The following SLC7A5 variants were observed in gnomAD, a reference collection of about 807,000 sequenced individuals.
SLC7A5 encodes the protein large neutral amino acids transporter small subunit 1.
A neutral mutation model predicts 50.2 loss-of-function variants in SLC7A5; 23 were observed. The ratio of observed to expected loss-of-function variants is 0.46; its 90% confidence interval spans 0.33 to 0.65. SLC7A5 has a LOEUF of 0.65. SLC7A5 is among the 30% of genes least tolerant of loss of function. The pLI, the probability that SLC7A5 is intolerant of heterozygous loss-of-function variation, is 0.02. For missense variants in SLC7A5, 578 were observed against 684.4 expected (o/e 0.84, Z 1.73); for synonymous variants, 393 against 330.6 (o/e 1.19, Z -2.05).
chr16:87,840,297 C>T (rs941227890), intron 4 of SLC7A5, 132 bp downstream of exon 4: 36 of 814,068 alleles, frequency 4.4e-5, no homozygotes, highest in Admixed American at 2.5e-4. Context: ...TCCTGCTGGC[C>T]CCAGAGGCCC....
chr16:87,834,895 C>T (rs1479657832), intron 8 of SLC7A5, among the ~76,000 whole-genome samples: 15 of 152,244 alleles, frequency 9.9e-5, no homozygotes, highest in Admixed American at 9.8e-4. Flanking sequence ...ACATCACAGG[C>T]CTGGAAACCC....
At chr16:87,839,592 C>T (rs2055057454) in intron 5 of SLC7A5, 110 bp downstream of exon 5, 5 of 1,532,402 alleles carry the variant, frequency 3.3e-6, no homozygotes, top group Non-Finnish European at 4.5e-6. Flanking sequence ...ACGCGGGGCC[C>T]CCTCTGCGTA....
chr16:87,843,530 G>C (rs1597499448), intron 2 of SLC7A5, among the ~76,000 whole-genome samples: 2 of 151,984 alleles, frequency 1.3e-5, no homozygotes, highest in South Asian at 4.1e-4. Flanking sequence ...AGGGCAGCTG[G>C]ACACAGGGAG....
In SLC7A5 at chr16:87,832,912, G is replaced by T; in HGVS notation, c.*58C>A. 1 of 1,409,542 alleles carries T rather than the reference G, an allele frequency of 7.1e-7. No homozygotes were observed. The highest frequency in any genetic ancestry group is 1.0e-6 in the Non-Finnish European group (1 of 994,232). The allele number at this position is 1,409,542 out of a possible 1,614,324, so 87.3% of individuals were successfully genotyped here. A position where few individuals can be genotyped will look rare whatever the true frequency, so the allele number is the denominator to read the frequency against. ...GGGGAACCGGAGTGGGTTCGAGGAG[G>T]TGATCTACTTTAACTGGCCTCTGCG... is the stretch of plus-strand genomic sequence containing the variant. On this transcript the variant is annotated 3_prime_UTR_variant, in exon 10 of 10. Transcript: ENST00000261622. The surrounding 1 kb of genome is among the most constrained non-coding windows in gnomAD (Gnocchi z 4.6).
At position 87,841,026 on chromosome 16, in the gene SLC7A5, G is replaced by C; in HGVS notation, c.770+24C>G. Reference sequence around the variant, plus strand: ...AGGGACTGTATGTCCCCAGACCAAGGGACCCAGACATTCCAGAACCTACCA... The same window carrying C: ...AGGGACTGTATGTCCCCAGACCAAGCGACCCAGACATTCCAGAACCTACCA... On this transcript the variant is annotated intron_variant, in intron 3 of 9. Transcript: ENST00000261622. The surrounding 1 kb of genome is among the most constrained non-coding windows in gnomAD (Gnocchi z 4.8). 6.5e-7 allele frequency: 1 copy of C among 1,537,572 alleles called. No individual in the cohort carries two copies. Among genetic ancestry groups the C allele is most frequent in the Non-Finnish European group, 9.0e-7 (1 of 1,110,622 alleles).
intron 1 of SLC7A5, among the ~76,000 whole-genome samples, chr16:87,856,092 G>C (rs528387757): frequency 2.0e-5 from 3 of 152,288 alleles, no homozygotes; most frequent in Non-Finnish European, 4.4e-5. Flanking sequence ...CAGCCACTGT[G>C]AGTGCCCCAG....
At chr16:87,857,225 ATTTTT>A (rs57435838) in intron 1 of SLC7A5, among the ~76,000 whole-genome samples, 2 of 147,198 alleles carry the variant, frequency 1.4e-5, no homozygotes, top group Non-Finnish European at 3.0e-5. Context: ...CAGCGTTCAC[ATTTTT>A]TTTTTTTTTG....
intron 2 of SLC7A5, among the ~76,000 whole-genome samples, chr16:87,847,929 A>G (rs978445818): frequency 6.6e-6 from 1 of 152,206 alleles, no homozygotes; most frequent in Admixed American, 6.5e-5. Context: ...GGGACCGTCC[A>G]GAAGTGCCCT....
At chr16:87,837,595 G>A (rs75646753) in intron 7 of SLC7A5, 28,752 of 506,240 alleles carry the variant, frequency 0.057, 1,118 homozygotes, top group Non-Finnish European at 0.081. Context: ...GCAGCACCCC[G>A]GGTCAGCTTC....
Position 87,866,942 on chromosome 16 carries a change from T to TC in SLC7A5, c.538+1942_538+1943insG, listed in dbSNP as rs2055469617. On this transcript the variant is annotated intron_variant, in intron 1 of 9. Coordinates refer to ENST00000261622, the MANE Select transcript of SLC7A5 (RefSeq NM_003486.7). The stretch of plus-strand genomic sequence containing the variant: ...GAGACTCAGCACCCAGGGGCTGCTT[T>TC]TTTTTTTTTGAGACAGGCTTGCTCT... Among the ~76,000 whole-genome samples the TC allele has an allele frequency of 3.3e-5, 5 of 151,838 alleles. No individual in the cohort carries two copies. The South Asian group carries it at 1.0e-3, about 32-fold the overall frequency.
Position 87,837,826 on chromosome 16 carries a change from G to A in SLC7A5, c.1140+19C>T. On this transcript the variant is annotated intron_variant, in intron 7 of 9. Transcript: ENST00000261622. Reference sequence around the variant, plus strand: ...CAACCCCCAGGGATGTAGGGCACAGGGCCGTGCAGCAGGCTTACCGTGAAC... The same window carrying A: ...CAACCCCCAGGGATGTAGGGCACAGAGCCGTGCAGCAGGCTTACCGTGAAC... 1.3e-6 allele frequency: 2 copies of A among 1,585,254 alleles called. No individual in the cohort carries two copies. The highest frequency in any genetic ancestry group is 1.7e-6 in the Non-Finnish European group (2 of 1,164,506).
chr16:87,833,028 G>T lies in SLC7A5; in HGVS notation c.1469-3C>A, dbSNP rs760101316. 3 of 1,613,670 alleles carry T rather than the reference G, an allele frequency of 1.9e-6. No individual in the cohort carries two copies. Among genetic ancestry groups the T allele is most frequent in the Non-Finnish European group, 2.5e-6 (3 of 1,179,708 alleles). ...CTGACACAGGACGGTCGTGGAGACTGTCAGGAGAGAAGACAGCTGTGTTAG... is the reference window on the plus strand; with the variant it reads ...CTGACACAGGACGGTCGTGGAGACTTTCAGGAGAGAAGACAGCTGTGTTAG... On this transcript the variant is annotated splice_region_variant and splice_polypyrimidine_tract_variant and intron_variant, in intron 9 of 9. Coordinates refer to ENST00000261622, the MANE Select transcript of SLC7A5 (RefSeq NM_003486.7). The surrounding 1 kb of genome is among the most constrained non-coding windows in gnomAD (Gnocchi z 6.0).
chr16:87,852,898 G>A lies in SLC7A5; in HGVS notation c.539-1049C>T, dbSNP rs1020020120. ...CACTGACTCCACGACACCCCTCACT[G>A]CCTGCTGCACTACCCTTCACTCCTC... is the stretch of plus-strand genomic sequence containing the variant. On this transcript the variant is annotated intron_variant, in intron 1 of 9. Coordinates refer to ENST00000261622, the MANE Select transcript of SLC7A5 (RefSeq NM_003486.7). The surrounding 1 kb of genome is among the most constrained non-coding windows in gnomAD (Gnocchi z 4.5). Among the ~76,000 whole-genome samples, 1 of 152,092 alleles carries A rather than the reference G, an allele frequency of 6.6e-6. No individual in the cohort carries two copies. The highest frequency in any genetic ancestry group is 1.5e-5 in the Non-Finnish European group (1 of 68,008).
chr16:87,842,649 A>G (rs944774587), intron 2 of SLC7A5, among the ~76,000 whole-genome samples: 1 of 151,916 alleles, frequency 6.6e-6, no homozygotes, highest in Non-Finnish European at 1.5e-5. Context: ...GGGGCCTTTG[A>G]TCTTCAGCCT....
Position 87,830,031 on chromosome 16 carries a change from TTGAG to T in SLC7A5, c.*2935_*2938del, listed in dbSNP as rs1053557365. The T allele has an allele frequency of 2.6e-5, 4 of 152,196 alleles. No homozygotes were observed. The highest frequency in any genetic ancestry group is 1.3e-4 in the Admixed American group (2 of 15,284). The allele number at this position is 152,196 out of a possible 1,614,324, so 9.4% of individuals were successfully genotyped here. A position where few individuals can be genotyped will look rare whatever the true frequency, so the allele number is the denominator to read the frequency against. On this transcript the variant is annotated 3_prime_UTR_variant, in exon 10 of 10. Coordinates refer to ENST00000261622, the MANE Select transcript of SLC7A5 (RefSeq NM_003486.7). ...ACACAGAACATCAGCGGTAGGATGA[TTGAG>T]TGTTTCTTTAAAAATAAAAACCCCA...
chr16:87,832,901 G>T lies in SLC7A5; in HGVS notation c.*69C>A. Reference sequence around the variant, plus strand: ...CTGTGGGTTGCGGGGAACCGGAGTGGGTTCGAGGAGGTGATCTACTTTAAC... The same window carrying T: ...CTGTGGGTTGCGGGGAACCGGAGTGTGTTCGAGGAGGTGATCTACTTTAAC... On this transcript the variant is annotated 3_prime_UTR_variant, in exon 10 of 10. Coordinates refer to ENST00000261622, the MANE Select transcript of SLC7A5 (RefSeq NM_003486.7). This position sits in a 1 kb window ranked among gnomAD's most constrained non-coding sequence, Gnocchi z 4.6. 1 of 1,287,476 alleles carries T rather than the reference G, an allele frequency of 7.8e-7. No individual in the cohort carries two copies. The highest frequency in any genetic ancestry group is 1.1e-6 in the Non-Finnish European group (1 of 883,486). 79.8% of individuals were successfully genotyped at this position (1,287,476 alleles called of 1,614,324 possible).
At chr16:87,851,520 C>T (rs2055222509) in intron 2 of SLC7A5, among the ~76,000 whole-genome samples, 4 of 152,246 alleles carry the variant, frequency 2.6e-5, no homozygotes, top group Admixed American at 6.5e-5. Context: ...GTGGTGGCCA[C>T]GCTGTCCCAC....
chr16:87,865,684 G>A (rs531786283), intron 1 of SLC7A5, among the ~76,000 whole-genome samples: 6 of 152,136 alleles, frequency 3.9e-5, no homozygotes, highest in Middle Eastern at 3.4e-3. Context: ...TCCAGCCTGG[G>A]TAAGAGCAAA....
At chr16:87,835,335 G>A (rs537445828) in intron 8 of SLC7A5, among the ~76,000 whole-genome samples, 34 of 152,346 alleles carry the variant, frequency 2.2e-4, no homozygotes, top group Admixed American at 1.6e-3. Flanking sequence ...CTGAGCCCCC[G>A]CTGTGCGCAG....
Sources: allele counts gnomAD v4.1 joint callset (sites outside exome capture counted in the v4.1 genomes callset), GRCh38; gene constraint gnomAD v4.1.1; non-coding constraint Gnocchi (gnomAD v3.1); transcripts MANE v1.5; gene names NCBI Gene and HGNC (gene_info 2026-07-23, HGNC 2026-07-21).